Variants in FILIP1 observed in about 807,000 individuals in gnomAD.
FILIP1 encodes the protein filamin-A-interacting protein 1.
A neutral mutation model predicts 102.1 loss-of-function variants in FILIP1; 61 were observed. That is an observed-to-expected ratio of 0.60 (90% confidence interval 0.49 to 0.74). FILIP1 has a LOEUF of 0.74. Ranked by LOEUF, FILIP1 falls within the 30% of genes least tolerant of loss-of-function variation. The probability of loss-of-function intolerance (pLI) is 0.00; values close to 1 mark genes in which losing one functional copy is unlikely to be tolerated. For missense variants in FILIP1, 1,314 were observed against 1,441.2 expected, an observed-to-expected ratio of 0.91 and a Z score of 1.43; for synonymous variants, 491 against 526.9, an observed-to-expected ratio of 0.93 and a Z score of 0.93.
At chr6:75,401,030 A>C (rs1776638758) in intron 2 of FILIP1, among the ~76,000 whole-genome samples, 1 of 152,004 alleles carries the variant, frequency 6.6e-6, no homozygotes, top group Non-Finnish European at 1.5e-5. Context: ...AAAAAAAATC[A>C]GAACAAAACA....
At chr6:75,334,690 A>T (rs1774183153) in intron 4 of FILIP1, 1 of 152,128 alleles carries the variant, frequency 6.6e-6, no homozygotes, top group African/African-American at 2.4e-5. Flanking sequence ...TTGTTTTTTT[A>T]TAAGGGGGTA....
At chr6:75,302,229 GA>G (rs1399876620) in intron 6 of FILIP1, among the ~76,000 whole-genome samples, 1 of 152,144 alleles carries the variant, frequency 6.6e-6, no homozygotes, top group Non-Finnish European at 1.5e-5. Flanking sequence ...GAGGGAAATA[GA>G]AGTAACTTTC....
At chr6:75,364,661 A>G (rs906687089) in intron 2 of FILIP1, among the ~76,000 whole-genome samples, 5 of 152,160 alleles carry the variant, frequency 3.3e-5, no homozygotes, top group Non-Finnish European at 5.9e-5. Flanking sequence ...CTGACCAATT[A>G]CATTCTAATC....
At chr6:75,351,291 G>GTCCCC (rs1774797667) in intron 4 of FILIP1, among the ~76,000 whole-genome samples, 3 of 152,130 alleles carry the variant, frequency 2.0e-5, no homozygotes, top group Admixed American at 6.6e-5. Context: ...TCGAACTCCT[G>GTCCCC]ACCCCAGGTG....
chr6:75,442,377 C>G (rs1049496324), intron 1 of FILIP1, among the ~76,000 whole-genome samples: 1 of 152,160 alleles, frequency 6.6e-6, no homozygotes, highest in African/African-American at 2.4e-5. Flanking sequence ...GCTGCACTCT[C>G]GGCACTTTGG....
intron 4 of FILIP1, among the ~76,000 whole-genome samples, chr6:75,340,861 A>ATTTTT (rs59666589): frequency 1.1e-5 from 1 of 94,308 alleles, no homozygotes; most frequent in East Asian, 3.0e-4. Flanking sequence ...ATGCTCAGGA[A>ATTTTT]TTTTTTTTTT....
intron 1 of FILIP1, among the ~76,000 whole-genome samples, chr6:75,444,841 T>C (rs992122120): frequency 2.0e-5 from 3 of 152,192 alleles, no homozygotes; most frequent in African/African-American, 7.2e-5. Flanking sequence ...AGCCCAGCAA[T>C]ACCCTAGGAC....
chr6:75,344,872 T>G (rs1204133548), intron 4 of FILIP1, among the ~76,000 whole-genome samples: 2 of 152,226 alleles, frequency 1.3e-5, no homozygotes, highest in African/African-American at 4.8e-5. Context: ...TGAGCTTTGA[T>G]CACACCACTG....
chr6:75,477,035 G>A (rs1162919753), intron 1 of FILIP1, among the ~76,000 whole-genome samples: 4 of 152,108 alleles, frequency 2.6e-5, no homozygotes, highest in African/African-American at 9.7e-5. Context: ...GAGTTCGAAG[G>A]TTAATTATTG....
rs62415695 is a variant in FILIP1, at chr6:75,314,988, G to T, written c.844C>A (p.Leu282Ile). 1.2e-6 allele frequency: 2 copies of T among 1,614,044 alleles called. No homozygotes were observed. Residue 282 changes from leucine to isoleucine, a missense_variant, in exon 5 of 6, where the codon CTC becomes ATC. Physicochemically the swap from Leu to Ile is conservative, Grantham distance 5. Transcript: ENST00000237172. The part of the protein sequence containing the change: ...TQKLREEEEK[L>I]KAITSKSKED... Reference sequence around the variant, plus strand: ...TTGGATTTGGAAGTAATGGCTTTGAGCTTCTCTTCTTCTTCCCTCAGCTTC... The same window carrying T: ...TTGGATTTGGAAGTAATGGCTTTGATCTTCTCTTCTTCTTCCCTCAGCTTC...
At chr6:75,427,010 T>C (rs1777648719) in intron 1 of FILIP1, among the ~76,000 whole-genome samples, 1 of 152,154 alleles carries the variant, frequency 6.6e-6, no homozygotes, top group Admixed American at 6.5e-5. Flanking sequence ...CAGACTACCA[T>C]GCTAGCAAAC....
At chr6:75,456,238 C>T (rs928305187) in intron 1 of FILIP1, among the ~76,000 whole-genome samples, 1 of 152,144 alleles carries the variant, frequency 6.6e-6, no homozygotes, top group African/African-American at 2.4e-5. Flanking sequence ...GCCAGAGATT[C>T]CACTAAACAT....
chr6:75,353,613 G>A lies in FILIP1; in HGVS notation c.555C>T (p.Asn185=), dbSNP rs145592158. ...CHRRTVYELE[N]EKHKHTDYMN... is the part of the protein sequence containing the mutation. ...TGTAGTCAGTGTGTTTATGCTTCTC[G>A]TTCTCTAACTCGTATACGGTGCGCC... Residue 185 remains asparagine (N), a synonymous_variant, in exon 4 of 6, where the codon AAC becomes AAT. Coordinates refer to ENST00000237172, the MANE Select transcript of FILIP1 (RefSeq NM_015687.5). 225 of 1,614,158 alleles carry A rather than the reference G, an allele frequency of 1.4e-4. 1 individual carries two copies. Among genetic ancestry groups the A allele is most frequent in the East Asian group, 4.0e-4 (18 of 44,894 alleles).
At chr6:75,476,650 T>G (rs1214599815) in intron 1 of FILIP1, among the ~76,000 whole-genome samples, 1 of 152,196 alleles carries the variant, frequency 6.6e-6, no homozygotes, top group Non-Finnish European at 1.5e-5. Flanking sequence ...TCCAATGCAC[T>G]TATGAAAAAT....
chr6:75,312,295 A>G, intron 5 of FILIP1, 102 bp downstream of exon 5: 1 of 1,133,194 alleles, frequency 8.8e-7, no homozygotes, highest in Non-Finnish European at 1.3e-6. Flanking sequence ...TTCAGGTAGC[A>G]TGAGAAGCAT....
At chr6:75,440,491 A>G (rs1778174596) in intron 1 of FILIP1, among the ~76,000 whole-genome samples, 1 of 152,220 alleles carries the variant, frequency 6.6e-6, no homozygotes, top group Admixed American at 6.5e-5. Context: ...AAGCCATGCA[A>G]CCAGTAAGAG....
chr6:75,354,577 A>C (rs1455230130), intron 3 of FILIP1, among the ~76,000 whole-genome samples: 3 of 152,008 alleles, frequency 2.0e-5, no homozygotes, highest in Non-Finnish European at 4.4e-5. Context: ...TCTCAAAAAA[A>C]AAAAAAAAAA....
At chr6:75,339,600 C>T (rs1159501975) in intron 4 of FILIP1, among the ~76,000 whole-genome samples, 2 of 152,144 alleles carry the variant, frequency 1.3e-5, no homozygotes, top group African/African-American at 2.4e-5. Flanking sequence ...AATTAATATT[C>T]TACAGATTAT....
chr6:75,410,463 T>C (rs895345628), intron 2 of FILIP1, among the ~76,000 whole-genome samples: 5 of 152,082 alleles, frequency 3.3e-5, no homozygotes, highest in Non-Finnish European at 5.9e-5. Context: ...GTTTGTTACA[T>C]AGGTATACAT....
Sources: gnomAD v4.1 joint callset for allele counts (sites outside exome capture counted in the v4.1 genomes callset) on GRCh38, gnomAD v4.1.1 for gene constraint, MANE v1.5 for transcripts, NCBI Gene and HGNC (gene_info 2026-07-23, HGNC 2026-07-21) for gene names.